DOK7: variants seen among roughly 807,000 people sequenced by gnomAD.
The protein encoded by DOK7 is protein Dok-7.
Under a neutral mutation model 30.7 loss-of-function variants are expected in DOK7, and 32 were observed. The observed-to-expected ratio is 1.04, with a 90% CI of 0.79 to 1.40. The LOEUF is 1.40. Among genes scored for constraint, DOK7 ranks in the 40% most tolerant of loss-of-function variants. The pLI, the probability that DOK7 is intolerant of heterozygous loss-of-function variation, is 0.00. For missense variants in DOK7, 1,007 were observed against 699.2 expected (o/e 1.44, Z -4.97); for synonymous variants, 447 against 324.1 (o/e 1.38, Z -4.07).
intron 6 of DOK7, among the ~76,000 whole-genome samples, chr4:3,492,344 A>T: frequency 6.6e-6 from 1 of 151,948 alleles, no homozygotes; most frequent in Non-Finnish European, 1.5e-5. Flanking sequence ...AGGGACGTCC[A>T]GACCAGCCTG....
chr4:3,467,156 C>T (rs56365947), intron 2 of DOK7, among the ~76,000 whole-genome samples: 19,122 of 151,790 alleles, frequency 0.13, 1,463 homozygotes, highest in South Asian at 0.29. Flanking sequence ...GCCACTTCTG[C>T]GGACTCCCAT....
At chr4:3,469,195 GTA>G (rs1396452969) in intron 2 of DOK7, among the ~76,000 whole-genome samples, 1 of 151,596 alleles carries the variant, frequency 6.6e-6, no homozygotes, top group Non-Finnish European at 1.5e-5. Flanking sequence ...GAGTGTGCAT[GTA>G]TGAGTGTGTG....
rs1364927521 is a variant in DOK7, at chr4:3,474,698, T to C, written c.331+1062T>C. On this transcript the variant is annotated intron_variant, in intron 3 of 6. Coordinates refer to ENST00000340083, the MANE Select transcript of DOK7 (RefSeq NM_173660.5). ...TTAGCCTGGTGTGGTGGTGGGCACA[T>C]GTAATCCCAGCTACTCAGGAGGCTG... Among the ~76,000 whole-genome samples, 4 of 152,014 alleles carry C rather than the reference T, an allele frequency of 2.6e-5. No individual in the cohort carries two copies. In the South Asian group the frequency reaches 6.2e-4, roughly 24 times the overall value.
intron 6 of DOK7, chr4:3,500,147 G>C: frequency 7.3e-7 from 1 of 1,364,742 alleles, no homozygotes; most frequent in Non-Finnish European, 9.9e-7. Context: ...GAGGCGGAGT[G>C]GGGAGGAGGG....
At position 3,492,671 on chromosome 4, in the gene DOK7, TGGC is replaced by T. The variant is rs1728558201; in HGVS notation, c.773-87_773-85del. On this transcript the variant is annotated intron_variant, in intron 6 of 6. Transcript: ENST00000340083. ...GGGGTGGGGCGAGACCAGAGAGTGC[TGGC>T]CTGTGGGGGTCCACCAGGCATCAGC... 3.8e-6 allele frequency: 6 copies of T among 1,566,356 alleles called. No homozygotes were observed. In the Admixed American group the frequency reaches 1.0e-4, roughly 27 times the overall value.
downstream of DOK7, among the ~76,000 whole-genome samples, chr4:3,498,042 G>A (rs889980636): frequency 3.9e-5 from 6 of 152,170 alleles, no homozygotes; most frequent in Non-Finnish European, 7.4e-5. Context: ...CACAGAGGCC[G>A]GGGGCTCAGG....
intron 3 of DOK7, 57 bp from the exon 4 acceptor site, chr4:3,476,285 C>A: frequency 6.6e-7 from 1 of 1,505,598 alleles, no homozygotes; most frequent in Non-Finnish European, 9.0e-7. Flanking sequence ...CCCACCCGCC[C>A]GTGATGTCCT....
At chr4:3,469,183 GTGAGTGTGCATGTA>G (rs952499233) in intron 2 of DOK7, among the ~76,000 whole-genome samples, 1 of 151,504 alleles carries the variant, frequency 6.6e-6, no homozygotes, top group African/African-American at 2.4e-5. Context: ...GTGCGTCTGT[GTGAGTGTGCATGTA>G]TGAGTGTGTG....
chr4:3,499,070 G>C (rs1729065144), downstream of DOK7, among the ~76,000 whole-genome samples: 1 of 152,236 alleles, frequency 6.6e-6, no homozygotes, highest in Admixed American at 6.5e-5. Context: ...AGAGGAGCCA[G>C]GCAGAGTGGA....
At chr4:3,496,115 T>C (rs1728896358), downstream of DOK7, among the ~76,000 whole-genome samples, 1 of 152,238 alleles carries the variant, frequency 6.6e-6, no homozygotes, top group Non-Finnish European at 1.5e-5. Context: ...CTTCTGCTCA[T>C]CTGGGCTGGA....
At position 3,463,458 on chromosome 4, in the gene DOK7, G is replaced by GA. The variant is rs1163523891; in HGVS notation, c.54+29_54+30insA. ...GGGGCGCGTCGGGGGCGCGGGGGGGGGGGGCGCGGGCGCGGGCGGCGGCTC... is the reference window on the plus strand; with the variant it reads ...GGGGCGCGTCGGGGGCGCGGGGGGGGAGGGGCGCGGGCGCGGGCGGCGGCTC... On this transcript the variant is annotated intron_variant, in intron 1 of 6. Coordinates refer to ENST00000340083, the MANE Select transcript of DOK7 (RefSeq NM_173660.5). The GA allele has an allele frequency of 4.2e-6, 6 of 1,424,502 alleles. No individual in the cohort carries two copies. In the Admixed American group the frequency reaches 1.1e-4, roughly 27 times the overall value. 88.2% of individuals were successfully genotyped at this position (1,424,502 alleles called of 1,614,324 possible). A position where few individuals can be genotyped will look rare whatever the true frequency, so the allele number is the denominator to read the frequency against.
intron 3 of DOK7, among the ~76,000 whole-genome samples, chr4:3,474,031 TGGGA>T (rs1169259626): frequency 1.7e-5 from 2 of 115,062 alleles, no homozygotes; most frequent in Non-Finnish European, 3.6e-5. Context: ...CAAAACAGGA[TGGGA>T]GGGAGGGAGG....
intron 4 of DOK7, among the ~76,000 whole-genome samples, chr4:3,478,756 G>A (rs1037712578): frequency 1.3e-5 from 2 of 152,180 alleles, no homozygotes; most frequent in African/African-American, 2.4e-5. Flanking sequence ...AGGCTTGGCC[G>A]AGCCACCCAT....
chr4:3,493,249 CT>C lies in DOK7; in HGVS notation c.1264del (p.Ser422HisfsTer34), dbSNP rs1258346283. On this transcript the variant is annotated frameshift_variant, in exon 7 of 7. Transcript: ENST00000340083. LOFTEE classifies it low-confidence loss of function (END_TRUNC). ...TGGCTCCTAGAGACCACAGCCCCCC[CT>C]CACAGGGCAGCCCCGGCAACAGTGC... The part of the protein sequence containing the change: ...CLAPRDHSPP[S>X]QGSPGNSAAR... 1 of 1,611,992 alleles carries C rather than the reference CT, an allele frequency of 6.2e-7. No homozygotes were observed. The highest frequency in any genetic ancestry group is 8.5e-7 in the Non-Finnish European group (1 of 1,179,660).
At chr4:3,491,094 T>G (rs1490176343) in intron 6 of DOK7, among the ~76,000 whole-genome samples, 1 of 116,726 alleles carries the variant, frequency 8.6e-6, no homozygotes, top group African/African-American at 3.3e-5. Flanking sequence ...CTCCTGCTCA[T>G]TAATTCCTTC....
At position 3,493,905 on chromosome 4, in the gene DOK7, T is replaced by TC. The variant is rs1189644674; in HGVS notation, c.*408dup. 1.9e-6 allele frequency: 2 copies of TC among 1,057,358 alleles called. No individual in the cohort carries two copies. Among genetic ancestry groups the TC allele is most frequent in the Admixed American group, 5.1e-5 (1 of 19,618 alleles). The allele number at this position is 1,057,358 out of a possible 1,614,324, so 65.5% of individuals were successfully genotyped here. On this transcript the variant is annotated 3_prime_UTR_variant, in exon 7 of 7. Coordinates refer to ENST00000340083, the MANE Select transcript of DOK7 (RefSeq NM_173660.5). The stretch of plus-strand genomic sequence containing the variant: ...CGCCCCCTTCGGGGGTGGCCGGTTC[T>TC]CCCCATCACCTCTCTGGGGCAGTCA...
intron 2 of DOK7, among the ~76,000 whole-genome samples, chr4:3,470,655 T>C (rs1022758169): frequency 1.3e-5 from 2 of 152,228 alleles, no homozygotes; most frequent in African/African-American, 4.8e-5. Context: ...CTGTGGTCTC[T>C]GGGCCAAATC....
chr4:3,492,813 G>C lies in DOK7; in HGVS notation c.827G>C (p.Ser276Thr). ...SSSEASHLDV[S>T]ASSRLTAWPE... ...TCAGAGGCCAGTCACTTGGACGTCAGCGCCAGCAGCCGGCTCACCGCATGG... is the reference window on the plus strand; with the variant it reads ...TCAGAGGCCAGTCACTTGGACGTCACCGCCAGCAGCCGGCTCACCGCATGG... The change falls in exon 7 of 7, where the codon AGC becomes ACC. Residue 276 changes from serine to threonine, a missense_variant. Ser to Thr is a moderately conservative substitution (Grantham distance 58). Coordinates refer to ENST00000340083, the MANE Select transcript of DOK7 (RefSeq NM_173660.5). 1.2e-6 allele frequency: 2 copies of C among 1,612,692 alleles called. No individual in the cohort carries two copies. The highest frequency in any genetic ancestry group is 1.7e-6 in the Non-Finnish European group (2 of 1,179,970).
rs761605986 is a variant in DOK7, at chr4:3,485,522, C to G, written c.533-17C>G. ...GCCCTCGGGCCAGACTGACCTGTCT[C>G]TGTCCTTCCTCTGCAGGGGCTGGCG... On this transcript the variant is annotated splice_polypyrimidine_tract_variant and intron_variant, in intron 4 of 6. Transcript: ENST00000340083. 1.0e-5 allele frequency: 16 copies of G among 1,591,402 alleles called. No individual in the cohort carries two copies. Among genetic ancestry groups the G allele is most frequent in the Non-Finnish European group, 1.3e-5 (15 of 1,166,834 alleles).
Sources: gnomAD v4.1 joint callset for allele counts (sites outside exome capture counted in the v4.1 genomes callset) on GRCh38, gnomAD v4.1.1 for gene constraint, MANE v1.5 for transcripts, NCBI Gene and HGNC (gene_info 2026-07-23, HGNC 2026-07-21) for gene names.